ZBTB1: variants seen among roughly 807,000 people sequenced by gnomAD.
ZBTB1 encodes zinc finger and BTB domain containing 1.
In ZBTB1, 13 loss-of-function variants were observed where a neutral mutation model predicts 51.6. The observed-to-expected ratio is 0.25, with a 90% CI of 0.16 to 0.40. ZBTB1 has a LOEUF of 0.40. Among genes scored for constraint, ZBTB1 ranks in the 10% least tolerant of loss-of-function variants. The probability of loss-of-function intolerance (pLI) is 1.00; values close to 1 mark genes in which losing one functional copy is unlikely to be tolerated. For missense variants in ZBTB1, 567 were observed against 856.5 expected, an observed-to-expected ratio of 0.66 and a Z score of 4.22; for synonymous variants, 240 against 282.2, an observed-to-expected ratio of 0.85 and a Z score of 1.50.
At chr14:64,518,904 G>GTGTATATATATATATATA (rs71444662) in intron 1 of ZBTB1, among the ~76,000 whole-genome samples, 5 of 95,126 alleles carry the variant, frequency 5.3e-5, no homozygotes, top group Admixed American at 1.2e-4. Context: ...TTGCAGAGAG[G>GTGTATATATATATATATA]TATATATATA....
downstream of ZBTB1, among the ~76,000 whole-genome samples, chr14:64,529,225 G>C (rs957924356): frequency 1.3e-5 from 2 of 152,236 alleles, no homozygotes; most frequent in South Asian, 4.1e-4. Flanking sequence ...GCCCATAGTA[G>C]GTGGGCTCAA....
intron 1 of ZBTB1, among the ~76,000 whole-genome samples, chr14:64,506,315 C>T (rs544454904): frequency 3.9e-4 from 59 of 152,246 alleles, no homozygotes; most frequent in African/African-American, 1.2e-3. Context: ...GGTGGATCAC[C>T]CGAGGTCAGG....
In ZBTB1 at chr14:64,515,866, T is replaced by A. The variant is rs531585652; in HGVS notation, c.-18-5621T>A. ...TTATCTTCAAGAGATAAGCTAAAAG[T>A]CTCACAGGAATTTAGATCCCTCCTC... On this transcript the variant is annotated intron_variant, in intron 1 of 1. Transcript: ENST00000683701. 2.6e-5 allele frequency among the ~76,000 whole-genome samples: 4 copies of A among 152,268 alleles called. No individual in the cohort carries two copies. In the South Asian group the frequency reaches 8.3e-4, roughly 32 times the overall value.
At chr14:64,508,492 T>C (rs560568509) in intron 1 of ZBTB1, among the ~76,000 whole-genome samples, 101 of 152,294 alleles carry the variant, frequency 6.6e-4, no homozygotes, top group African/African-American at 1.5e-3. Flanking sequence ...CTAGGAGGCT[T>C]AGAATGTTCC....
chr14:64,525,596 T>G (rs888639359), downstream of ZBTB1, among the ~76,000 whole-genome samples: 5 of 152,208 alleles, frequency 3.3e-5, no homozygotes, highest in Non-Finnish European at 7.3e-5. Flanking sequence ...AAATTTTTCT[T>G]GCAGTGGCTT....
chr14:64,521,849 C>T lies in ZBTB1; in HGVS notation c.345C>T (p.Asp115=). 6.2e-7 allele frequency: 1 copy of T among 1,612,638 alleles called. No individual in the cohort carries two copies. Among genetic ancestry groups the T allele is most frequent in the Non-Finnish European group, 8.5e-7 (1 of 1,180,030 alleles). Residue 115 remains aspartate (D), a synonymous_variant, in exon 2 of 2, where the codon GAC becomes GAT. Transcript: ENST00000683701. ...QLYNVPDCLE[D]IQDADCSSSK... is the part of the protein sequence containing the mutation. ...ACAATGTTCCTGACTGTTTAGAAGA[C>T]ATCCAGGATGCAGATTGTTCTAGTT...
At chr14:64,507,987 G>A (rs930053191) in intron 1 of ZBTB1, among the ~76,000 whole-genome samples, 6 of 152,302 alleles carry the variant, frequency 3.9e-5, no homozygotes, top group Admixed American at 3.3e-4. Flanking sequence ...GAAATTGGAC[G>A]AAAGAAGGGT....
At chr14:64,530,713 C>G (rs1294649728) in intron 2 of ZBTB1, among the ~76,000 whole-genome samples, 1 of 152,070 alleles carries the variant, frequency 6.6e-6, no homozygotes, top group Non-Finnish European at 1.5e-5. Context: ...TTAAGTTGTT[C>G]TCTTATTCAG....
intron 1 of ZBTB1, among the ~76,000 whole-genome samples, chr14:64,506,419 G>A (rs1300952228): frequency 6.6e-6 from 1 of 152,186 alleles, no homozygotes; most frequent in African/African-American, 2.4e-5. Context: ...TGTAATCCCA[G>A]CTACTCAGGA....
At chr14:64,527,888 A>G (rs1239939747), downstream of ZBTB1, among the ~76,000 whole-genome samples, 2 of 152,208 alleles carry the variant, frequency 1.3e-5, no homozygotes, top group Non-Finnish European at 2.9e-5. Context: ...ATGAGTAGGG[A>G]TTAAAAATAA....
chr14:64,527,889 T>A (rs2079915525), downstream of ZBTB1, among the ~76,000 whole-genome samples: 2 of 152,164 alleles, frequency 1.3e-5, no homozygotes, highest in African/African-American at 4.8e-5. Flanking sequence ...TGAGTAGGGA[T>A]TAAAAATAAT....
chr14:64,517,781 A>ATATATATATATTTTTTTT (rs1160337478), intron 1 of ZBTB1, among the ~76,000 whole-genome samples: 5 of 41,560 alleles, frequency 1.2e-4, no homozygotes, highest in East Asian at 7.8e-4. Context: ...ATATATATAT[A>ATATATATATATTTTTTTT]TTTTTTTTTT....
At chr14:64,516,852 A>G (rs1192323419) in intron 1 of ZBTB1, 1 of 152,156 alleles carries the variant, frequency 6.6e-6, no homozygotes, top group African/African-American at 2.4e-5. Context: ...AAGAATATGT[A>G]TTTTTACTCA....
chr14:64,529,642 A>C (rs1164750221), downstream of ZBTB1, among the ~76,000 whole-genome samples: 1 of 152,062 alleles, frequency 6.6e-6, no homozygotes, highest in Non-Finnish European at 1.5e-5. Flanking sequence ...ATGGTGGTGC[A>C]TGCCTGTAGT....
intron 1 of ZBTB1, among the ~76,000 whole-genome samples, chr14:64,515,807 C>T (rs997820650): frequency 2.6e-5 from 4 of 152,286 alleles, no homozygotes; most frequent in African/African-American, 4.8e-5. Context: ...GCGTGAGCCA[C>T]GGTGCCCGGC....
chr14:64,526,024 T>C (rs2079901137), downstream of ZBTB1, among the ~76,000 whole-genome samples: 1 of 152,074 alleles, frequency 6.6e-6, no homozygotes, highest in Admixed American at 6.6e-5. Flanking sequence ...TTCACCGTCT[T>C]GGCCAGGCTG....
intron 1 of ZBTB1, among the ~76,000 whole-genome samples, chr14:64,511,801 G>C (rs2079727203): frequency 6.6e-6 from 1 of 152,218 alleles, no homozygotes; most frequent in African/African-American, 2.4e-5. Context: ...GCCATTTTGT[G>C]TAGGTGCAAA....
At chr14:64,520,533 C>T (rs1267323167) in intron 1 of ZBTB1, among the ~76,000 whole-genome samples, 1 of 151,880 alleles carries the variant, frequency 6.6e-6, no homozygotes, top group Non-Finnish European at 1.5e-5. Context: ...GCTATGTTGC[C>T]CAGGCTTAAT....
downstream of ZBTB1, among the ~76,000 whole-genome samples, chr14:64,528,437 T>C (rs772049817): frequency 6.6e-6 from 1 of 151,552 alleles, no homozygotes; most frequent in African/African-American, 2.4e-5. Context: ...AACATATACT[T>C]CTCAGTAATA....
Sources: gnomAD v4.1 joint callset for allele counts (sites outside exome capture counted in the v4.1 genomes callset) on GRCh38, gnomAD v4.1.1 for gene constraint, MANE v1.5 for transcripts, NCBI Gene and HGNC (gene_info 2026-07-23, HGNC 2026-07-21) for gene names.